EXOC6B: variants seen among roughly 807,000 people sequenced by gnomAD.
EXOC6B encodes SEC15 homolog B.
A neutral mutation model predicts 113.5 loss-of-function variants in EXOC6B; 54 were observed. The observed-to-expected ratio is 0.48, with a 90% CI of 0.38 to 0.60. EXOC6B has a LOEUF of 0.60. EXOC6B is among the 20% of genes least tolerant of loss of function. EXOC6B has a pLI of 0.00. For missense variants in EXOC6B, 797 were observed against 977.5 expected (o/e 0.82, Z 2.46); for synonymous variants, 357 against 339.0 (o/e 1.05, Z -0.58).
intron 6 of EXOC6B, among the ~76,000 whole-genome samples, chr2:72,625,592 G>T (rs928476498): frequency 2.0e-5 from 3 of 152,082 alleles, no homozygotes; most frequent in African/African-American, 7.2e-5. Flanking sequence ...AACACATCTG[G>T]AAAGAGAACT....
chr2:72,575,130 T>C (rs1008602162), intron 7 of EXOC6B, among the ~76,000 whole-genome samples: 4 of 152,298 alleles, frequency 2.6e-5, no homozygotes, highest in Non-Finnish European at 4.4e-5. Flanking sequence ...GTAACATTTT[T>C]TTGTTTTTCT....
intron 6 of EXOC6B, among the ~76,000 whole-genome samples, chr2:72,661,302 GA>G (rs907009042): frequency 2.8e-5 from 3 of 105,888 alleles, no homozygotes; most frequent in African/African-American, 1.1e-4. Context: ...AGATTACGAA[GA>G]AAAAAAACTA....
chr2:72,381,897 G>T (rs897620868), intron 18 of EXOC6B, among the ~76,000 whole-genome samples: 1 of 152,124 alleles, frequency 6.6e-6, no homozygotes, highest in African/African-American at 2.4e-5. Flanking sequence ...GTGTGCAATT[G>T]AATATTTTCT....
At chr2:72,240,845 A>T (rs564838976) in intron 20 of EXOC6B, among the ~76,000 whole-genome samples, 2 of 152,376 alleles carry the variant, frequency 1.3e-5, no homozygotes, top group African/African-American at 4.8e-5. Flanking sequence ...ACAAAGAAAA[A>T]GTGAATAAAA....
At chr2:72,254,108 C>T (rs934291864) in intron 20 of EXOC6B, among the ~76,000 whole-genome samples, 2 of 151,184 alleles carry the variant, frequency 1.3e-5, no homozygotes, top group African/African-American at 4.9e-5. Flanking sequence ...TGCAGTGAGC[C>T]GAGATCACAC....
intron 18 of EXOC6B, among the ~76,000 whole-genome samples, chr2:72,434,741 TG>T (rs1395217573): frequency 6.6e-6 from 1 of 152,160 alleles, no homozygotes; most frequent in Non-Finnish European, 1.5e-5. Flanking sequence ...TCTGTGAGAT[TG>T]GGGGTTATAT....
At chr2:72,210,755 A>C (rs1433600903) in intron 20 of EXOC6B, among the ~76,000 whole-genome samples, 1 of 152,204 alleles carries the variant, frequency 6.6e-6, no homozygotes, top group East Asian at 1.9e-4. Flanking sequence ...TCTTGTGGGC[A>C]GCAGCAAGGT....
At chr2:72,810,424 T>A (rs533404236) in intron 1 of EXOC6B, among the ~76,000 whole-genome samples, 49 of 151,278 alleles carry the variant, frequency 3.2e-4, no homozygotes, top group African/African-American at 1.0e-3. Context: ...ATACATCATA[T>A]CAAAACTGAT....
intron 16 of EXOC6B, 38 bp from the exon 17 acceptor site, chr2:72,480,788 A>C (rs1233747595): frequency 6.4e-7 from 1 of 1,573,622 alleles, no homozygotes; most frequent in Non-Finnish European, 8.6e-7. Context: ...TCATTTAACT[A>C]CTCACCCCAG....
At chr2:72,473,553 C>T (rs1403777481) in intron 17 of EXOC6B, among the ~76,000 whole-genome samples, 2 of 151,960 alleles carry the variant, frequency 1.3e-5, no homozygotes, top group Non-Finnish European at 2.9e-5. Flanking sequence ...ATTTTCAGTT[C>T]ATATGCATCT....
intron 18 of EXOC6B, among the ~76,000 whole-genome samples, chr2:72,422,930 G>A (rs1468569604): frequency 6.6e-6 from 1 of 152,176 alleles, no homozygotes; most frequent in East Asian, 1.9e-4. Context: ...CAGGATGTGG[G>A]TGGGGCCAGA....
At chr2:72,462,055 T>C (rs1697718861) in intron 18 of EXOC6B, 1 of 152,102 alleles carries the variant, frequency 6.6e-6, no homozygotes, top group South Asian at 2.1e-4. Flanking sequence ...TCACTGCAAT[T>C]AGATTAAATT....
chr2:72,752,111 T>A (rs953819900), intron 1 of EXOC6B, among the ~76,000 whole-genome samples: 4 of 152,150 alleles, frequency 2.6e-5, no homozygotes, highest in African/African-American at 9.7e-5. Context: ...ATTTCCAAAC[T>A]GTCACCATTC....
rs1700157724 is a variant in EXOC6B at position 72,498,549 on chromosome 2, C to T, written c.1242G>A (p.Val414=). ...LIVLFADTLQ[V]YGFPVNQLFD... ...AAAGCTGATTTACAGGGAAACCATA[C>T]ACCTGAAACAAAATAAGAAAATCAC... Residue 414 remains valine, a splice_region_variant and synonymous_variant, in exon 13 of 22, where the codon GTG becomes GTA. Transcript: ENST00000272427. 2 of 1,596,784 alleles carry T rather than the reference C, an allele frequency of 1.3e-6. No individual in the cohort carries two copies. The highest frequency in any genetic ancestry group is 8.5e-7 in the Non-Finnish European group (1 of 1,173,064).
intron 7 of EXOC6B, among the ~76,000 whole-genome samples, chr2:72,568,959 CA>C (rs1245621112): frequency 1.5e-4 from 20 of 135,450 alleles, no homozygotes; most frequent in African/African-American, 4.2e-4. Context: ...ACTATCACCA[CA>C]AAAAAAAAAA....
At chr2:72,540,542 T>A (rs1055986003) in intron 8 of EXOC6B, among the ~76,000 whole-genome samples, 2 of 152,234 alleles carry the variant, frequency 1.3e-5, no homozygotes, top group Admixed American at 1.3e-4. Context: ...GAGAATAGGA[T>A]AATTGCTTAC....
At chr2:72,491,008 T>C (rs1435599159) in intron 16 of EXOC6B, among the ~76,000 whole-genome samples, 1 of 152,106 alleles carries the variant, frequency 6.6e-6, no homozygotes, top group Non-Finnish European at 1.5e-5. Context: ...AAATAAATAA[T>C]AAACTTCCCA....
intron 20 of EXOC6B, among the ~76,000 whole-genome samples, chr2:72,247,945 T>C (rs905559447): frequency 3.3e-5 from 5 of 152,188 alleles, no homozygotes; most frequent in African/African-American, 1.2e-4. Context: ...AGGTAAAAGA[T>C]GCCTGGAAAA....
intron 20 of EXOC6B, among the ~76,000 whole-genome samples, chr2:72,205,112 G>A (rs1679756382): frequency 6.6e-6 from 1 of 152,116 alleles, no homozygotes; most frequent in Non-Finnish European, 1.5e-5. Flanking sequence ...GAGAGAGAAT[G>A]GAAGAGAGAG....
Sources: allele counts gnomAD v4.1 joint callset (sites outside exome capture counted in the v4.1 genomes callset), GRCh38; gene constraint gnomAD v4.1.1; transcripts MANE v1.5; gene names NCBI Gene and HGNC (gene_info 2026-07-23, HGNC 2026-07-21).